The following CNTNAP5 variants were observed in gnomAD, a reference collection of about 807,000 sequenced individuals.
The protein encoded by CNTNAP5 is contactin-associated protein-like 5.
CNTNAP5 carries 72 observed loss-of-function variants against 150.2 expected under a neutral mutation model. The ratio of observed to expected loss-of-function variants is 0.48; its 90% CI spans 0.40 to 0.58. The LOEUF is 0.58. CNTNAP5 is among the 20% of genes least tolerant of loss of function. The pLI, the probability that CNTNAP5 is intolerant of heterozygous loss-of-function variation, is 0.00. For missense variants in CNTNAP5, 1,636 were observed against 1,626.2 expected (o/e 1.01, Z -0.10); for synonymous variants, 672 against 619.8 (o/e 1.08, Z -1.25).
chr2:124,660,523 AAT>A (rs1301495493), intron 13 of CNTNAP5, among the ~76,000 whole-genome samples: 3 of 152,200 alleles, frequency 2.0e-5, no homozygotes, highest in Admixed American at 6.5e-5. Context: ...TAATTTTAAT[AAT>A]ATGTTATTTT....
intron 3 of CNTNAP5, among the ~76,000 whole-genome samples, chr2:124,339,758 G>A (rs1285657664): frequency 1.3e-5 from 2 of 152,070 alleles, no homozygotes; most frequent in African/African-American, 4.8e-5. Context: ...CCAAAGGCTT[G>A]GAAGGTTAGG....
intron 23 of CNTNAP5, among the ~76,000 whole-genome samples, chr2:124,912,665 C>T (rs1678680075): frequency 6.6e-6 from 1 of 152,070 alleles, no homozygotes; most frequent in Non-Finnish European, 1.5e-5. Context: ...GCCTATTTCT[C>T]TTTCAATAAT....
chr2:124,899,816 A>C (rs1678379260), intron 21 of CNTNAP5, among the ~76,000 whole-genome samples: 1 of 151,502 alleles, frequency 6.6e-6, no homozygotes, highest in South Asian at 2.1e-4. Flanking sequence ...TTTAACCTAA[A>C]AACAGAAAAA....
intron 2 of CNTNAP5, among the ~76,000 whole-genome samples, chr2:124,237,908 C>T (rs556145956): frequency 4.6e-5 from 7 of 152,242 alleles, no homozygotes; most frequent in Non-Finnish European, 8.8e-5. Context: ...CAAGTCTATT[C>T]TTGCTTTCTT....
chr2:124,584,763 T>G (rs982595824), intron 11 of CNTNAP5, among the ~76,000 whole-genome samples: 2 of 152,224 alleles, frequency 1.3e-5, no homozygotes, highest in Non-Finnish European at 2.9e-5. Context: ...AAGGATGCCT[T>G]CAAATAACTT....
At chr2:124,193,652 A>T (rs1685509897) in intron 1 of CNTNAP5, among the ~76,000 whole-genome samples, 1 of 152,236 alleles carries the variant, frequency 6.6e-6, no homozygotes, top group African/African-American at 2.4e-5. Context: ...CTAACGTTTC[A>T]CTTGGAAAAC....
Position 124,619,888 on chromosome 2 carries a change from C to A in CNTNAP5, c.1876+9968C>A, listed in dbSNP as rs1483894298. Among the ~76,000 whole-genome samples the A allele has an allele frequency of 6.6e-5, 8 of 121,610 alleles. No homozygotes were observed. The Admixed American group carries it at 6.6e-4, about 10-fold the overall frequency. The allele number at this position is 121,610 out of a possible 152,430, so 79.8% of individuals were successfully genotyped here. ...ATATATATATATATATATATATACT[C>A]CTTCTCTCACTGTCTCATTCATATA... On this transcript the variant is annotated intron_variant, in intron 12 of 23. Coordinates refer to ENST00000682447, the MANE Select transcript of CNTNAP5 (RefSeq NM_001367498.1).
intron 12 of CNTNAP5, among the ~76,000 whole-genome samples, chr2:124,626,804 C>G (rs1469669813): frequency 6.6e-6 from 1 of 152,162 alleles, no homozygotes; most frequent in Non-Finnish European, 1.5e-5. Context: ...CTAAGAACCA[C>G]TAGCTTGAAA....
chr2:124,821,164 A>G (rs1384795157), intron 19 of CNTNAP5, among the ~76,000 whole-genome samples: 1 of 152,230 alleles, frequency 6.6e-6, no homozygotes, highest in East Asian at 1.9e-4. Context: ...AATACAACCT[A>G]CATTAATACC....
chr2:124,579,123 T>C (rs1256353860), intron 11 of CNTNAP5, among the ~76,000 whole-genome samples: 1 of 152,212 alleles, frequency 6.6e-6, no homozygotes, highest in Non-Finnish European at 1.5e-5. Context: ...GACATTGTTT[T>C]ACTCCTCTTA....
At position 124,760,408 on chromosome 2, in the gene CNTNAP5, T is replaced by A. The variant is rs553014041; in HGVS notation, c.2235-3264T>A. 1.1e-4 allele frequency among the ~76,000 whole-genome samples: 17 copies of A among 152,184 alleles called. No individual in the cohort carries two copies. In the East Asian group the frequency reaches 3.3e-3, roughly 29 times the overall value. On this transcript the variant is annotated intron_variant, in intron 14 of 23. Coordinates refer to ENST00000682447, the MANE Select transcript of CNTNAP5 (RefSeq NM_001367498.1). The stretch of plus-strand genomic sequence containing the variant: ...CAAGCAGCAGTTAACCAAAATTCGT[T>A]GATGAAAATGAATGGCAGTCTGTGA...
chr2:124,760,914 A>G (rs564940614), intron 14 of CNTNAP5, among the ~76,000 whole-genome samples: 19 of 152,130 alleles, frequency 1.2e-4, no homozygotes, highest in Non-Finnish European at 1.6e-4. Flanking sequence ...TTAAAACATA[A>G]GAAAGCTGAT....
At chr2:124,214,394 C>G (rs1250602123) in intron 1 of CNTNAP5, among the ~76,000 whole-genome samples, 1 of 152,184 alleles carries the variant, frequency 6.6e-6, no homozygotes, top group Non-Finnish European at 1.5e-5. Context: ...CCGCAGTCTG[C>G]TCTGGCCCCA....
intron 1 of CNTNAP5, among the ~76,000 whole-genome samples, chr2:124,074,581 A>T (rs1682392032): frequency 6.6e-6 from 1 of 152,138 alleles, no homozygotes; most frequent in Non-Finnish European, 1.5e-5. Context: ...CAGTGCAGAA[A>T]CACCAAATGG....
intron 1 of CNTNAP5, among the ~76,000 whole-genome samples, chr2:124,068,083 C>T (rs1018783461): frequency 6.1e-5 from 7 of 114,130 alleles, no homozygotes; most frequent in Non-Finnish European, 8.5e-5. Flanking sequence ...TCTTCAAGAA[C>T]GCTTTTAACT....
At chr2:124,234,551 GT>G (rs1464358219) in intron 2 of CNTNAP5, among the ~76,000 whole-genome samples, 1 of 152,118 alleles carries the variant, frequency 6.6e-6, no homozygotes, top group Non-Finnish European at 1.5e-5. Flanking sequence ...TCCCATCCAA[GT>G]TTTTTAAAAT....
At chr2:124,677,452 A>G (rs1205987052) in intron 13 of CNTNAP5, among the ~76,000 whole-genome samples, 2 of 152,216 alleles carry the variant, frequency 1.3e-5, no homozygotes, top group African/African-American at 4.8e-5. Context: ...TGGGGTGGCC[A>G]GCTTTTATTC....
At chr2:124,883,384 A>T (rs2104740231) in intron 21 of CNTNAP5, among the ~76,000 whole-genome samples, 1 of 151,924 alleles carries the variant, frequency 6.6e-6, no homozygotes, top group African/African-American at 2.4e-5. Context: ...TTCTAACAAG[A>T]GCTTACTTTA....
chr2:124,732,889 C>A (rs1680303208), intron 13 of CNTNAP5, among the ~76,000 whole-genome samples: 2 of 152,172 alleles, frequency 1.3e-5, no homozygotes, highest in African/African-American at 4.8e-5. Flanking sequence ...TATGCCATCA[C>A]CATGAGGGAT....
Sources: gnomAD v4.1 joint callset for allele counts (sites outside exome capture counted in the v4.1 genomes callset) on GRCh38, gnomAD v4.1.1 for gene constraint, MANE v1.5 for transcripts, NCBI Gene and HGNC (gene_info 2026-07-23, HGNC 2026-07-21) for gene names.